The following PHTF1 variants were observed in gnomAD, a reference collection of about 807,000 sequenced individuals.
The protein encoded by PHTF1 is putative homeodomain transcription factor 1.
In PHTF1, 88 loss-of-function variants were observed where a neutral mutation model predicts 102.4. That is an observed-to-expected ratio of 0.86 (90% CI 0.72 to 1.03). The LOEUF is 1.03. PHTF1 is among the 50% of genes least tolerant of loss of function. PHTF1 has a pLI of 0.00. For missense variants in PHTF1, 814 were observed against 909.5 expected, an observed-to-expected ratio of 0.89 and a Z score of 1.35; for synonymous variants, 289 against 305.2, an observed-to-expected ratio of 0.95 and a Z score of 0.55.
chr1:113,711,036 A>G (rs1024165112), intron 10 of PHTF1, among the ~76,000 whole-genome samples: 2 of 152,014 alleles, frequency 1.3e-5, no homozygotes, highest in East Asian at 3.9e-4. Flanking sequence ...TATGGAACTG[A>G]TCAACTAAGG....
chr1:113,717,844 C>T (rs144304529), intron 7 of PHTF1, among the ~76,000 whole-genome samples: 1 of 152,102 alleles, frequency 6.6e-6, no homozygotes, highest in Non-Finnish European at 1.5e-5. Flanking sequence ...TCCCCCTGGG[C>T]CCCTCCCACA....
In PHTF1 at chr1:113,698,401, C is replaced by T; in HGVS notation, c.2143-14G>A. ...TGTGTCCAGCTCCTACAAAAAACAT[C>T]AAAGAATTGAAATGAGATACATGTT... On this transcript the variant is annotated splice_polypyrimidine_tract_variant and intron_variant, in intron 17 of 18. Transcript: ENST00000369604. 3 of 1,609,288 alleles carry T rather than the reference C, an allele frequency of 1.9e-6. No homozygotes were observed. The East Asian group carries it at 6.7e-5, about 36-fold the overall frequency.
chr1:113,700,731 GA>G lies in PHTF1; in HGVS notation c.2046+62del, dbSNP rs953855550. On this transcript the variant is annotated intron_variant, in intron 16 of 18. Transcript: ENST00000369604. Reference sequence around the variant, plus strand: ...TGATTAAACCCTGAATCCTCTGCAGGAACCTTACAGCGTATTACGCTACCCC... The same window carrying G: ...TGATTAAACCCTGAATCCTCTGCAGGACCTTACAGCGTATTACGCTACCCC... 2.0e-6 allele frequency: 3 copies of G among 1,465,092 alleles called. No individual in the cohort carries two copies. The African/African-American group carries it at 4.2e-5, about 21-fold the overall frequency. The allele number at this position is 1,465,092 out of a possible 1,614,324, so 90.8% of individuals were successfully genotyped here.
intron 3 of PHTF1, among the ~76,000 whole-genome samples, chr1:113,747,702 T>C (rs1571241400): frequency 6.6e-6 from 1 of 152,230 alleles, no homozygotes; most frequent in Admixed American, 6.5e-5. Context: ...GCCTTTGCAC[T>C]TGATTAATAA....
Position 113,726,470 on chromosome 1 carries a change from C to A in PHTF1, c.436G>T (p.Val146Leu). ...LLMGTVHCQI[V>L]STQITRPSGN... is the part of the protein sequence containing the mutation. ...GATGGTCTTGTTATCTGAGTAGACA[C>A]AATTTGACAGTGGACAGTTCCCATG... The change falls in exon 6 of 19, where the codon GTG becomes TTG. Residue 146 changes from valine to leucine, a missense_variant. Physicochemically the swap from Val to Leu is conservative, Grantham distance 32. Coordinates refer to ENST00000369604, the MANE Select transcript of PHTF1 (RefSeq NM_001323043.2). 1 of 1,611,554 alleles carries A rather than the reference C, an allele frequency of 6.2e-7. No homozygotes were observed. Among genetic ancestry groups the A allele is most frequent in the Non-Finnish European group, 8.5e-7 (1 of 1,178,816 alleles).
intron 16 of PHTF1, 129 bp from the exon 17 acceptor site, chr1:113,699,928 C>T: frequency 1.5e-6 from 1 of 687,572 alleles, no homozygotes; most frequent in Non-Finnish European, 2.3e-6. Context: ...GCTATCGCTA[C>T]AGAGAACATA....
Position 113,724,866 on chromosome 1 carries a change from A to T in PHTF1, c.516T>A (p.Asp172Glu). Residue 172 changes from aspartate (D) to glutamate (E), a missense_variant, in exon 7 of 19, where the codon GAT becomes GAA. Physicochemically the swap from Asp to Glu is conservative, Grantham distance 45. Coordinates refer to ENST00000369604, the MANE Select transcript of PHTF1 (RefSeq NM_001323043.2). The stretch of plus-strand genomic sequence containing the variant: ...AGTTATTTCCATTTTCTCGGCTCCC[A>T]TCACCATTTACAGTTTTTCGTAATT... ...RRKLRKTVNG[D>E]GSRENGNNSS... 6.2e-7 allele frequency: 1 copy of T among 1,605,142 alleles called. No individual in the cohort carries two copies. Among genetic ancestry groups the T allele is most frequent in the Non-Finnish European group, 8.5e-7 (1 of 1,176,044 alleles).
rs116419276 is a variant in PHTF1, at chr1:113,741,808, G to A, written c.103-3009C>T. ...TATAGAAGGGAAGACAAACAATAATGCCAAATGTACAAGGGTTTCTCAGGA... is the reference window on the plus strand; with the variant it reads ...TATAGAAGGGAAGACAAACAATAATACCAAATGTACAAGGGTTTCTCAGGA... On this transcript the variant is annotated intron_variant, in intron 3 of 18. Transcript: ENST00000369604. Among the ~76,000 whole-genome samples the A allele has an allele frequency of 2.4e-3, 359 of 152,144 alleles. 4 individuals are homozygous for A. Among genetic ancestry groups the A allele is most frequent in the African/African-American group, 8.3e-3 (344 of 41,512 alleles).
chr1:113,699,362 G>C (rs1302673923), intron 17 of PHTF1: 1 of 412,278 alleles, frequency 2.4e-6, no homozygotes, highest in Non-Finnish European at 4.6e-6. Context: ...GACCAACATA[G>C]CCGTTGTAGT....
At chr1:113,701,856 A>AAAAAAAT in intron 15 of PHTF1, among the ~76,000 whole-genome samples, 1 of 141,402 alleles carries the variant, frequency 7.1e-6, no homozygotes, top group South Asian at 2.3e-4. Context: ...AAAAAAAAAA[A>AAAAAAAT]AAATCATTCA....
chr1:113,729,501 C>G (rs1425676285), intron 5 of PHTF1, among the ~76,000 whole-genome samples: 1 of 152,000 alleles, frequency 6.6e-6, no homozygotes, highest in East Asian at 1.9e-4. Context: ...ATCAAAGTAT[C>G]TCATCTACCT....
chr1:113,723,061 A>G (rs1373850733), intron 7 of PHTF1, among the ~76,000 whole-genome samples: 1 of 152,132 alleles, frequency 6.6e-6, no homozygotes, highest in Non-Finnish European at 1.5e-5. Flanking sequence ...ACCTGACTTC[A>G]AATTGTACTA....
chr1:113,724,939 C>G, intron 6 of PHTF1, 46 bp from the exon 7 acceptor site: 3 of 1,391,316 alleles, frequency 2.2e-6, no homozygotes, highest in Non-Finnish European at 3.0e-6. Context: ...AAGACCCTTT[C>G]TATTTCTGCC....
At chr1:113,710,225 C>T in intron 11 of PHTF1, 29 bp downstream of exon 11, 1 of 1,479,452 alleles carries the variant, frequency 6.8e-7, no homozygotes, top group Non-Finnish European at 9.4e-7. Flanking sequence ...ACAATAAATA[C>T]TAGCTATTCT....
intron 6 of PHTF1, chr1:113,725,796 T>G (rs1653734131): frequency 6.6e-6 from 1 of 152,592 alleles, no homozygotes; most frequent in African/African-American, 2.4e-5. Flanking sequence ...AAATCCCATC[T>G]CTACTAAATT....
At chr1:113,711,070 T>C (rs533724882) in intron 10 of PHTF1, among the ~76,000 whole-genome samples, 4 of 152,156 alleles carry the variant, frequency 2.6e-5, no homozygotes, top group Non-Finnish European at 5.9e-5. Flanking sequence ...GAGTGATTCC[T>C]GTAAGCACAC....
At chr1:113,735,274 G>A (rs1159377923) in intron 5 of PHTF1, among the ~76,000 whole-genome samples, 1 of 135,490 alleles carries the variant, frequency 7.4e-6, no homozygotes, top group Non-Finnish European at 1.5e-5. Flanking sequence ...GCTGAGGCAA[G>A]AGAATCACTT....
intron 1 of PHTF1, 112 bp downstream of exon 1, chr1:113,758,911 A>C: frequency 8.2e-7 from 1 of 1,219,456 alleles, no homozygotes; most frequent in African/African-American, 1.6e-5. Flanking sequence ...CGACCGGAGA[A>C]GCCTCTGCAA....
At chr1:113,751,862 C>G in intron 3 of PHTF1, among the ~76,000 whole-genome samples, 1 of 152,134 alleles carries the variant, frequency 6.6e-6, no homozygotes, top group East Asian at 1.9e-4. Context: ...AGTTGTAGTT[C>G]CTCCATCACC....
Sources: gnomAD v4.1 joint callset for allele counts (sites outside exome capture counted in the v4.1 genomes callset) on GRCh38, gnomAD v4.1.1 for gene constraint, MANE v1.5 for transcripts, NCBI Gene and HGNC (gene_info 2026-07-23, HGNC 2026-07-21) for gene names.